Variants in EPM2A observed in about 807,000 individuals in gnomAD.
The protein encoded by EPM2A is laforin.
A neutral mutation model predicts 26.5 loss-of-function variants in EPM2A; 21 were observed. That is an observed-to-expected ratio of 0.79 (90% CI 0.56 to 1.14). The LOEUF (loss-of-function observed/expected upper bound fraction) is 1.14. EPM2A is among the 50% of genes most tolerant of loss of function. The pLI, the probability that EPM2A is intolerant of heterozygous loss-of-function variation, is 0.00. For missense variants in EPM2A, 458 were observed against 440.8 expected, an observed-to-expected ratio of 1.04 and a Z score of -0.35; for synonymous variants, 217 against 177.6, an observed-to-expected ratio of 1.22 and a Z score of -1.76.
intron 2 of EPM2A, among the ~76,000 whole-genome samples, chr6:145,542,635 C>A (rs896972384): frequency 6.6e-6 from 1 of 152,150 alleles, no homozygotes; most frequent in African/African-American, 2.4e-5. Context: ...GTAATTGAAG[C>A]CAGGGACCCT....
At chr6:145,428,527 A>T (rs1295631586) in intron 4 of EPM2A, among the ~76,000 whole-genome samples, 1 of 152,220 alleles carries the variant, frequency 6.6e-6, no homozygotes, top group African/African-American at 2.4e-5. Context: ...TCATTGTAGG[A>T]GAATCATCAT....
At chr6:145,731,067 C>A (rs1776460395) in intron 1 of EPM2A, among the ~76,000 whole-genome samples, 1 of 149,588 alleles carries the variant, frequency 6.7e-6, no homozygotes. Context: ...ACACGACAGA[C>A]CTAGAGGTAA....
chr6:145,675,178 C>A (rs902542791), intron 2 of EPM2A, among the ~76,000 whole-genome samples: 1 of 152,092 alleles, frequency 6.6e-6, no homozygotes, highest in Non-Finnish European at 1.5e-5. Flanking sequence ...TCATTTCCAC[C>A]CAAACTAAGC....
chr6:145,429,130 A>G (rs1341563555), intron 4 of EPM2A, among the ~76,000 whole-genome samples: 1 of 152,082 alleles, frequency 6.6e-6, no homozygotes, highest in Admixed American at 6.5e-5. Flanking sequence ...TTGATGATCA[A>G]ATTTACAAAG....
chr6:145,689,800 T>A (rs562029982), intron 1 of EPM2A, among the ~76,000 whole-genome samples: 2 of 152,166 alleles, frequency 1.3e-5, no homozygotes, highest in African/African-American at 4.8e-5. Flanking sequence ...TATCATGGTG[T>A]CAGAGAAGGA....
chr6:145,542,739 T>G (rs986622597), intron 2 of EPM2A, among the ~76,000 whole-genome samples: 1 of 152,092 alleles, frequency 6.6e-6, no homozygotes, highest in Non-Finnish European at 1.5e-5. Context: ...CTTCCTTCTG[T>G]TTTTTTCTGT....
In EPM2A at chr6:145,625,709, T is replaced by C. The variant is rs1407522505; in HGVS notation, c.*1707A>G. The C allele has an allele frequency of 3.8e-6, 3 of 799,366 alleles. No individual in the cohort carries two copies. The highest frequency in any genetic ancestry group is 2.4e-5 in the East Asian group (1 of 41,202). The allele number at this position is 799,366 out of a possible 1,614,324, so 49.5% of individuals were successfully genotyped here. A position where few individuals can be genotyped will look rare whatever the true frequency, so the allele number is the denominator to read the frequency against. On this transcript the variant is annotated 3_prime_UTR_variant, in exon 4 of 4. Transcript: ENST00000367519. ...ACTTTGTAAAATTATAGTGGAAATGTGTCCTGGCTAGCTGCCTCTGCCCAA... is the reference window on the plus strand; with the variant it reads ...ACTTTGTAAAATTATAGTGGAAATGCGTCCTGGCTAGCTGCCTCTGCCCAA...
At chr6:145,645,515 T>A (rs1777395666) in intron 2 of EPM2A, among the ~76,000 whole-genome samples, 1 of 152,112 alleles carries the variant, frequency 6.6e-6, no homozygotes, top group Non-Finnish European at 1.5e-5. Context: ...ACGCTGCCCA[T>A]GCTAATGTCG....
In EPM2A at chr6:145,702,350, A is replaced by C. The variant is rs537713666; in HGVS notation, c.302-16054T>G. Among the ~76,000 whole-genome samples the C allele has an allele frequency of 8.5e-5, 13 of 152,338 alleles. No homozygotes were observed. In the East Asian group the frequency reaches 2.5e-3, roughly 29 times the overall value. ...TTCTTGAAAGACAGTATTTTATAGCAGTTAAGTGCATGGGCTCAAGATTCA... is the reference window on the plus strand; with the variant it reads ...TTCTTGAAAGACAGTATTTTATAGCCGTTAAGTGCATGGGCTCAAGATTCA... On this transcript the variant is annotated intron_variant, in intron 1 of 3. Coordinates refer to ENST00000367519, the MANE Select transcript of EPM2A (RefSeq NM_005670.4).
intron 1 of EPM2A, among the ~76,000 whole-genome samples, chr6:145,721,950 T>C (rs544859626): frequency 1.3e-5 from 2 of 152,326 alleles, no homozygotes; most frequent in Admixed American, 6.5e-5. Context: ...CCTGTGAGCA[T>C]GCAACACTAC....
At chr6:145,669,709 T>C (rs1251607867) in intron 2 of EPM2A, among the ~76,000 whole-genome samples, 1 of 152,200 alleles carries the variant, frequency 6.6e-6, no homozygotes, top group African/African-American at 2.4e-5. Context: ...GGAAAAAGGC[T>C]AGCCAAGCTT....
chr6:145,725,835 T>A (rs575443689), intron 1 of EPM2A, among the ~76,000 whole-genome samples: 2 of 152,192 alleles, frequency 1.3e-5, no homozygotes, highest in South Asian at 2.1e-4. Context: ...GAGACTATCA[T>A]AATGAATACA....
At chr6:145,694,879 AATTC>A (rs1034145857) in intron 1 of EPM2A, among the ~76,000 whole-genome samples, 45 of 151,994 alleles carry the variant, frequency 3.0e-4, no homozygotes, top group African/African-American at 1.1e-3. Flanking sequence ...AGAATAAGGG[AATTC>A]ATCACCACTA....
rs764383012 is a variant in EPM2A at position 145,625,504 on chromosome 6, G to T, written c.*1912C>A. On this transcript the variant is annotated 3_prime_UTR_variant, in exon 4 of 4. Coordinates refer to ENST00000367519, the MANE Select transcript of EPM2A (RefSeq NM_005670.4). The stretch of plus-strand genomic sequence containing the variant: ...TTGTATCATGGAAATTATGAAGCTG[G>T]ATTTCTTAGACATTAAAGAAATTCA... 7.2e-6 allele frequency: 4 copies of T among 554,502 alleles called. No individual in the cohort carries two copies. The highest frequency in any genetic ancestry group is 2.9e-5 in the East Asian group (1 of 34,576). The allele number at this position is 554,502 out of a possible 1,614,324, so 34.3% of individuals were successfully genotyped here.
At chr6:145,597,266 T>A (rs971004866) in intron 2 of EPM2A, among the ~76,000 whole-genome samples, 2 of 152,186 alleles carry the variant, frequency 1.3e-5, no homozygotes, top group African/African-American at 4.8e-5. Context: ...TTTATCATGT[T>A]CCCAAGAGAT....
At chr6:145,424,942 G>A (rs916169604) in intron 4 of EPM2A, among the ~76,000 whole-genome samples, 1 of 151,354 alleles carries the variant, frequency 6.6e-6, no homozygotes, top group African/African-American at 2.4e-5. Flanking sequence ...CAGCCCCAAT[G>A]GACTAAGACT....
intron 2 of EPM2A, among the ~76,000 whole-genome samples, chr6:145,516,494 A>G (rs1780129327): frequency 1.3e-5 from 2 of 152,148 alleles, no homozygotes; most frequent in Admixed American, 1.3e-4. Flanking sequence ...CAAGATAGGG[A>G]TGGGAGAACA....
At chr6:145,642,648 G>A (rs56116838) in intron 2 of EPM2A, among the ~76,000 whole-genome samples, 10,146 of 152,188 alleles carry the variant, frequency 0.067, 1,138 homozygotes, top group African/African-American at 0.23. Flanking sequence ...ACAGGGGAAC[G>A]AGATTTTAGA....
chr6:145,487,835 G>T (rs1779697995), intron 4 of EPM2A, among the ~76,000 whole-genome samples: 1 of 152,040 alleles, frequency 6.6e-6, no homozygotes, highest in African/African-American at 2.4e-5. Context: ...GATTCCATTT[G>T]TCAATTTTTG....
Sources: allele counts gnomAD v4.1 joint callset (sites outside exome capture counted in the v4.1 genomes callset), GRCh38; gene constraint gnomAD v4.1.1; transcripts MANE v1.5; gene names NCBI Gene and HGNC (gene_info 2026-07-23, HGNC 2026-07-21).